Variants in MIB1 observed in about 807,000 individuals in gnomAD.
MIB1 encodes MIB E3 ubiquitin protein ligase 1.
In MIB1, 278 loss-of-function variants were observed where a neutral mutation model predicts 124.5. The observed-to-expected ratio is 2.23, with a 90% CI of 2.02 to 2.47. MIB1 has a LOEUF of 2.47. Ranked by LOEUF, MIB1 falls within the 30% of genes most tolerant of loss-of-function variation. The pLI is 0.00. For missense variants in MIB1, 957 were observed against 1,254.4 expected (o/e 0.76, Z 3.58); for synonymous variants, 446 against 429.4 (o/e 1.04, Z -0.48).
intron 18 of MIB1, 150 bp downstream of exon 18, chr18:21,853,368 C>G (rs2042198428): frequency 3.3e-6 from 2 of 608,036 alleles, no homozygotes; most frequent in Admixed American, 5.7e-5. Flanking sequence ...TTTCTCTGTA[C>G]TAGAACGTCA....
chr18:21,807,496 A>G (rs3017024), intron 10 of MIB1, among the ~76,000 whole-genome samples: 1,878 of 152,348 alleles, frequency 0.012, 47 homozygotes, highest in African/African-American at 0.043. Context: ...CTAGGATATA[A>G]GAATTAACAT....
intron 12 of MIB1, among the ~76,000 whole-genome samples, chr18:21,834,642 T>A (rs2042010595): frequency 6.6e-6 from 1 of 152,264 alleles, no homozygotes; most frequent in Non-Finnish European, 1.5e-5. Context: ...AGCGTAATCA[T>A]GAGAAAAGCA....
At chr18:21,742,098 C>T (rs2040860286) in intron 1 of MIB1, among the ~76,000 whole-genome samples, 1 of 152,142 alleles carries the variant, frequency 6.6e-6, no homozygotes, top group African/African-American at 2.4e-5. Context: ...AGACACAGGT[C>T]CCCCAACCCG....
In MIB1 at chr18:21,763,072, GT is replaced by G. The variant is rs796211842; in HGVS notation, c.230-2689del. 1.4e-3 allele frequency among the ~76,000 whole-genome samples: 203 copies of G among 143,222 alleles called. 1 individual carries two copies. In the South Asian group the frequency reaches 0.031, roughly 22 times the overall value. The allele number at this position is 143,222 out of a possible 152,430, so 94.0% of individuals were successfully genotyped here. On this transcript the variant is annotated intron_variant, in intron 1 of 20. Coordinates refer to ENST00000261537, the MANE Select transcript of MIB1 (RefSeq NM_020774.4). Reference sequence around the variant, plus strand: ...TTACCTATCACTTTAATTTTTTTCTGTTTTTTTTTTTAAATGAAGTTTCTGT... The same window carrying G: ...TTACCTATCACTTTAATTTTTTTCTGTTTTTTTTTTAAATGAAGTTTCTGT...
intron 5 of MIB1, 79 bp downstream of exon 5, chr18:21,778,248 T>C: frequency 9.5e-7 from 1 of 1,050,548 alleles, no homozygotes; most frequent in Non-Finnish European, 1.4e-6. Context: ...AATTGGATGT[T>C]AGAAAAGTTA....
intron 1 of MIB1, among the ~76,000 whole-genome samples, chr18:21,710,071 A>G (rs1304330990): frequency 1.3e-5 from 2 of 152,192 alleles, no homozygotes; most frequent in African/African-American, 4.8e-5. Context: ...ATTTTTTAAG[A>G]CACTTGCTTA....
intron 6 of MIB1, among the ~76,000 whole-genome samples, chr18:21,786,131 C>G (rs1300630984): frequency 6.6e-6 from 1 of 151,852 alleles, no homozygotes; most frequent in Non-Finnish European, 1.5e-5. Context: ...GAGTCTCTCT[C>G]TGTCACCCAG....
chr18:21,737,131 C>T (rs1465486958), upstream of MIB1, among the ~76,000 whole-genome samples: 4 of 152,206 alleles, frequency 2.6e-5, no homozygotes, highest in African/African-American at 9.6e-5. Context: ...GTCGGGTTAC[C>T]CACAAAGGAA....
chr18:21,834,997 A>T (rs2042013675), intron 12 of MIB1, among the ~76,000 whole-genome samples: 1 of 152,222 alleles, frequency 6.6e-6, no homozygotes. Context: ...TTGCTTTAAA[A>T]TAGATATTTA....
intron 1 of MIB1, among the ~76,000 whole-genome samples, chr18:21,759,586 T>C (rs1011697576): frequency 2.0e-5 from 3 of 152,200 alleles, no homozygotes; most frequent in African/African-American, 4.8e-5. Flanking sequence ...GTGAAGGGTA[T>C]GTCCATGTTG....
upstream of MIB1, among the ~76,000 whole-genome samples, chr18:21,740,775 C>T (rs111380498): frequency 5.3e-4 from 80 of 152,364 alleles, no homozygotes; most frequent in African/African-American, 1.8e-3. Context: ...TTCTAGACCG[C>T]GCGCATGCGC....
chr18:21,780,515 C>T (rs1331532187), intron 6 of MIB1, among the ~76,000 whole-genome samples: 1 of 152,204 alleles, frequency 6.6e-6, no homozygotes, highest in Non-Finnish European at 1.5e-5. Context: ...GCTTATTTCA[C>T]TTAACATAAT....
rs2040843429 is a variant in MIB1, at chr18:21,741,068, C to T, written c.-516C>T. ...GGCGCTCGCCGGACGCCGGGAGGTA[C>T]CACCGCTGCCCACGGGGGAGGAGGC... is the stretch of plus-strand genomic sequence containing the variant. On this transcript the variant is annotated 5_prime_UTR_variant, in exon 1 of 21. Coordinates refer to ENST00000261537, the MANE Select transcript of MIB1 (RefSeq NM_020774.4). This position sits in a 1 kb window ranked among gnomAD's most constrained non-coding sequence, Gnocchi z 5.4. Among the ~76,000 whole-genome samples, 1 of 152,024 alleles carries T rather than the reference C, an allele frequency of 6.6e-6. No homozygotes were observed. The highest frequency in any genetic ancestry group is 1.5e-5 in the Non-Finnish European group (1 of 67,984).
At chr18:21,731,786 T>C (rs576402599) in intron 1 of MIB1, among the ~76,000 whole-genome samples, 1 of 148,408 alleles carries the variant, frequency 6.7e-6, no homozygotes, top group South Asian at 2.1e-4. Context: ...TGTACAAAAC[T>C]TTGTATGAAT....
At chr18:21,825,679 G>A (rs372854088) in intron 12 of MIB1, 53 of 529,336 alleles carry the variant, frequency 1.0e-4, no homozygotes, top group African/African-American at 8.5e-4. Context: ...AAATGAAAAC[G>A]TTGGTTGTCC....
At chr18:21,838,203 A>AT (rs1247208363) in intron 12 of MIB1, among the ~76,000 whole-genome samples, 162 bp from the exon 13 acceptor site, 1 of 152,116 alleles carries the variant, frequency 6.6e-6, no homozygotes, top group Non-Finnish European at 1.5e-5. Context: ...TAAAAAAAAA[A>AT]TTAAATTAAA....
Position 21,768,710 on chromosome 18 carries a change from G to T in MIB1, c.489G>T (p.Trp163Cys), listed in dbSNP as rs1442801184. ...CCAGAGTGGTGCGAGGAGTGGACTG[G>T]CAGTGGGAAGATCAAGATGGAGGAA... ...AGARVVRGVD[W>C]QWEDQDGGNG... The change falls in exon 3 of 21, where the codon TGG becomes TGT. Residue 163 changes from tryptophan to cysteine, a missense_variant. Trp to Cys is a radical substitution (Grantham distance 215). Coordinates refer to ENST00000261537, the MANE Select transcript of MIB1 (RefSeq NM_020774.4). 1.2e-6 allele frequency: 2 copies of T among 1,611,118 alleles called. No homozygotes were observed. The highest frequency in any genetic ancestry group is 8.5e-7 in the Non-Finnish European group (1 of 1,178,586).
intron 16 of MIB1, 49 bp downstream of exon 16, chr18:21,847,174 T>C (rs752273459): frequency 1.3e-5 from 20 of 1,485,624 alleles, no homozygotes; most frequent in Non-Finnish European, 1.8e-5. Flanking sequence ...ACAGAAAATA[T>C]CATGTGGTTT....
intron 1 of MIB1, among the ~76,000 whole-genome samples, chr18:21,749,175 G>C (rs1454582363): frequency 6.6e-6 from 1 of 151,956 alleles, no homozygotes; most frequent in Non-Finnish European, 1.5e-5. Context: ...TTCCTATATG[G>C]TAAAATAAGG....
Sources: gnomAD v4.1 joint callset for allele counts (sites outside exome capture counted in the v4.1 genomes callset) on GRCh38, gnomAD v4.1.1 for gene constraint, Gnocchi (gnomAD v3.1) non-coding constraint, MANE v1.5 for transcripts, NCBI Gene and HGNC (gene_info 2026-07-23, HGNC 2026-07-21) for gene names.